SMCHD1: variants seen among roughly 807,000 people sequenced by gnomAD.
SMCHD1 encodes the protein structural maintenance of chromosomes flexible hinge domain-containing protein 1.
In SMCHD1, 78 loss-of-function variants were observed where a neutral mutation model predicts 254.7. That is an observed-to-expected ratio of 0.31 (90% confidence interval 0.26 to 0.37). The LOEUF (loss-of-function observed/expected upper bound fraction) is 0.37, where lower values mean the gene tolerates loss of function less well. Ranked by LOEUF, SMCHD1 falls within the 10% of genes least tolerant of loss-of-function variation. The pLI is 1.00. For synonymous variants in SMCHD1, 766 were observed against 794.9 expected, an observed-to-expected ratio of 0.96 and a Z score of 0.61; for missense variants, 1,840 against 2,408.1, an observed-to-expected ratio of 0.76 and a Z score of 4.94.
chr18:2,681,788 C>T (rs1161066268), intron 5 of SMCHD1, among the ~76,000 whole-genome samples: 1 of 151,972 alleles, frequency 6.6e-6, no homozygotes. Flanking sequence ...GTTGGGTCAG[C>T]GCTACTCTTT....
intron 45 of SMCHD1, among the ~76,000 whole-genome samples, chr18:2,788,167 C>T (rs2076268343): frequency 6.6e-6 from 1 of 152,142 alleles, no homozygotes; most frequent in South Asian, 2.1e-4. Flanking sequence ...TTGTCAACTG[C>T]TAGCACAGTT....
At position 2,739,755 on chromosome 18, in the gene SMCHD1, G is replaced by A. The variant is rs9944876; in HGVS notation, c.3514+235G>A. On this transcript the variant is annotated intron_variant, in intron 27 of 47. Coordinates refer to ENST00000320876, the MANE Select transcript of SMCHD1 (RefSeq NM_015295.3). Reference sequence around the variant, plus strand: ...TTGTCGAAAAAAAATCTTGTCTTTTGTTAGAAGTAATATTACTAGTTAGAA... The same window carrying A: ...TTGTCGAAAAAAAATCTTGTCTTTTATTAGAAGTAATATTACTAGTTAGAA... Among the ~76,000 whole-genome samples, 4,735 of 152,158 alleles carry A rather than the reference G, an allele frequency of 0.031. 246 individuals carry two copies. The highest frequency in any genetic ancestry group is 0.11 in the African/African-American group (4,462 of 41,510).
At chr18:2,673,694 A>G (rs909346347) in intron 4 of SMCHD1, among the ~76,000 whole-genome samples, 2 of 152,122 alleles carry the variant, frequency 1.3e-5, no homozygotes, top group African/African-American at 4.8e-5. Context: ...GTTGTTGAAC[A>G]TTTAGATTTT....
chr18:2,725,650 G>A (rs565909646), intron 21 of SMCHD1, among the ~76,000 whole-genome samples: 117 of 151,554 alleles, frequency 7.7e-4, no homozygotes, highest in African/African-American at 1.9e-3. Flanking sequence ...TTCCCTATCC[G>A]TGTGATGTTT....
chr18:2,721,162 A>T (rs895784810), intron 19 of SMCHD1, among the ~76,000 whole-genome samples: 4 of 152,130 alleles, frequency 2.6e-5, no homozygotes, highest in Non-Finnish European at 5.9e-5. Flanking sequence ...GGTGAATCAG[A>T]TTCAGTCTCT....
intron 28 of SMCHD1, 110 bp from the exon 29 acceptor site, chr18:2,743,651 A>T (rs1036495620): frequency 2.4e-5 from 15 of 628,428 alleles, no homozygotes; most frequent in Non-Finnish European, 3.2e-5. Flanking sequence ...CTGTCATGTT[A>T]CCAAGAAACA....
chr18:2,776,958 C>G (rs371896074), intron 42 of SMCHD1, among the ~76,000 whole-genome samples: 1 of 152,054 alleles, frequency 6.6e-6, no homozygotes, highest in South Asian at 2.1e-4. Context: ...AGTGGCTACT[C>G]ACAGGCACAG....
At chr18:2,709,465 G>A (rs1026569245) in intron 17 of SMCHD1, among the ~76,000 whole-genome samples, 11 of 151,992 alleles carry the variant, frequency 7.2e-5, no homozygotes, top group Admixed American at 4.6e-4. Flanking sequence ...AGAAACTGCC[G>A]TACTGTTTTC....
chr18:2,703,605 G>T (rs2074451014), intron 12 of SMCHD1, 87 bp from the exon 13 acceptor site: 7 of 1,134,924 alleles, frequency 6.2e-6, no homozygotes, highest in Non-Finnish European at 8.9e-6. Context: ...GTATATGAAA[G>T]GAAAAAAATA....
At chr18:2,755,565 C>CTTTTTTTTTTTTTTTTT (rs11413061) in intron 34 of SMCHD1, among the ~76,000 whole-genome samples, 1 of 108,142 alleles carries the variant, frequency 9.2e-6, no homozygotes, top group Non-Finnish European at 1.8e-5. Context: ...TTCTTTCTTT[C>CTTTTTTTTTTTTTTTTT]TTTTTTTTTT....
At chr18:2,757,761 C>T (rs1372322602) in intron 34 of SMCHD1, among the ~76,000 whole-genome samples, 5 of 151,406 alleles carry the variant, frequency 3.3e-5, no homozygotes, top group Non-Finnish European at 7.4e-5. Context: ...TCTGTTTCAC[C>T]TAGCAGTGTA....
chr18:2,719,317 G>A (rs1408757868), intron 19 of SMCHD1, among the ~76,000 whole-genome samples: 1 of 146,648 alleles, frequency 6.8e-6, no homozygotes, highest in Non-Finnish European at 1.5e-5. Context: ...TTTCAATGGA[G>A]TCTCACACTG....
At chr18:2,678,434 C>CTTACAGGCACATGCTGGGA (rs1287758395) in intron 5 of SMCHD1, among the ~76,000 whole-genome samples, 1 of 151,914 alleles carries the variant, frequency 6.6e-6, no homozygotes. Flanking sequence ...CTGGGCTTGG[C>CTTACAGGCACATGCTGGGA]TTACAGGCAC....
At chr18:2,717,590 C>T (rs1362009488) in intron 17 of SMCHD1, among the ~76,000 whole-genome samples, 2 of 152,222 alleles carry the variant, frequency 1.3e-5, no homozygotes, top group African/African-American at 2.4e-5. Context: ...GCTGCGATTA[C>T]AGGCATGAGC....
At chr18:2,658,008 G>C (rs1472444005) in intron 1 of SMCHD1, among the ~76,000 whole-genome samples, 1 of 151,794 alleles carries the variant, frequency 6.6e-6, no homozygotes, top group Non-Finnish European at 1.5e-5. Context: ...GCCCAGGCTA[G>C]TCTCGAGCTC....
chr18:2,666,098 T>C (rs2073427757), intron 1 of SMCHD1, 59 bp from the exon 2 acceptor site: 1 of 760,218 alleles, frequency 1.3e-6, no homozygotes, highest in Admixed American at 2.8e-5. Context: ...TTTTATAAAT[T>C]TGAATAATAC....
chr18:2,700,956 ATGTT>A, intron 12 of SMCHD1, 38 bp downstream of exon 12: 1 of 1,418,896 alleles, frequency 7.0e-7, no homozygotes. Flanking sequence ...ATATTTGCAA[ATGTT>A]TTATTTTTAA....
chr18:2,745,445 A>G (rs921105537), intron 29 of SMCHD1, among the ~76,000 whole-genome samples: 5 of 152,220 alleles, frequency 3.3e-5, no homozygotes, highest in African/African-American at 1.2e-4. Flanking sequence ...GATCTTTTTC[A>G]CTTGTGAGTT....
chr18:2,766,707 AC>A (rs1290027304), intron 37 of SMCHD1, among the ~76,000 whole-genome samples: 1 of 152,200 alleles, frequency 6.6e-6, no homozygotes, highest in East Asian at 1.9e-4. Flanking sequence ...ATTCAGATTC[AC>A]TGTATTATTT....
Sources: allele counts gnomAD v4.1 joint callset (sites outside exome capture counted in the v4.1 genomes callset), GRCh38; gene constraint gnomAD v4.1.1; transcripts MANE v1.5; gene names NCBI Gene and HGNC (gene_info 2026-07-23, HGNC 2026-07-21).